AHNAK: variants seen among roughly 807,000 people sequenced by gnomAD.
The protein encoded by AHNAK is AHNAK nucleoprotein, also known as neuroblast differentiation-associated protein AHNAK.
AHNAK carries 23 observed loss-of-function variants against 37.8 expected under a neutral mutation model. That is an observed-to-expected ratio of 0.61 (90% confidence interval 0.44 to 0.86). The LOEUF (loss-of-function observed/expected upper bound fraction) is 0.86, where lower values mean the gene tolerates loss of function less well. Ranked by LOEUF, AHNAK falls within the 40% of genes least tolerant of loss-of-function variation. The pLI is 0.00. For missense variants in AHNAK, 7,411 were observed against 7,319.4 expected (o/e 1.01, Z -0.46); for synonymous variants, 2,481 against 2,636.3 (o/e 0.94, Z 1.80).
At chr11:62,486,140 T>C (rs1939388787) in intron 5 of AHNAK, among the ~76,000 whole-genome samples, 1 of 152,006 alleles carries the variant, frequency 6.6e-6, no homozygotes, top group African/African-American at 2.4e-5. Flanking sequence ...ACTGTGTCAT[T>C]CCACTTATAT....
chr11:62,504,459 C>G (rs1156314102), intron 4 of AHNAK, among the ~76,000 whole-genome samples: 1 of 152,106 alleles, frequency 6.6e-6, no homozygotes, highest in African/African-American at 2.4e-5. Flanking sequence ...CATCTGACTT[C>G]CCTATCTGGC....
rs199540757 is a variant in AHNAK, at chr11:62,433,834, A to G, written c.*50T>C. ...CATTTTTAGAACAATGCTCCAAAGA[A>G]CGGTCACAAAAACAACCTTAAGAGG... On this transcript the variant is annotated 3_prime_UTR_variant, in exon 6 of 6. Transcript: ENST00000257247. 3.3e-5 allele frequency: 54 copies of G among 1,612,668 alleles called. No individual in the cohort carries two copies. In the East Asian group the frequency reaches 1.0e-3, roughly 31 times the overall value.
In AHNAK at chr11:62,516,514, C is replaced by T; in HGVS notation, c.*230G>A. The T allele has an allele frequency of 7.2e-7, 1 of 1,396,824 alleles. No individual in the cohort carries two copies. Among genetic ancestry groups the T allele is most frequent in the Non-Finnish European group, 9.3e-7 (1 of 1,079,780 alleles). The allele number at this position is 1,396,824 out of a possible 1,614,324, so 86.5% of individuals were successfully genotyped here. ...TATATATGAAATCTTAAGGCAAATA[C>T]TGTTGACTTTGCACATGGGCTGGAC... On this transcript the variant is annotated 3_prime_UTR_variant, in exon 5 of 5. Coordinates refer to ENST00000378024, the MANE Select transcript of AHNAK (RefSeq NM_001620.3).
At chr11:62,452,623 T>C (rs1477418456) in intron 5 of AHNAK, among the ~76,000 whole-genome samples, 1 of 152,198 alleles carries the variant, frequency 6.6e-6, no homozygotes, top group Non-Finnish European at 1.5e-5. Flanking sequence ...AGTCTTCTCA[T>C]GCTTAGGGAT....
intron 5 of AHNAK, among the ~76,000 whole-genome samples, chr11:62,489,124 C>T (rs909988635): frequency 6.6e-6 from 1 of 151,788 alleles, no homozygotes; most frequent in Non-Finnish European, 1.5e-5. Flanking sequence ...GCCTGTAATC[C>T]CAATTACTCA....
chr11:62,531,571 G>C lies in AHNAK; in HGVS notation c.2846C>G (p.Pro949Arg). The C allele has an allele frequency of 5.0e-6, 8 of 1,614,150 alleles. No homozygotes were observed. The highest frequency in any genetic ancestry group is 6.8e-6 in the Non-Finnish European group (8 of 1,180,030). ...MNIKAPKISM[P>R]DVDLHMKGPK... is the part of the protein sequence containing the mutation. ...ACCTTTCATATGCAAGTCCACATCA[G>C]GCATGGAGATCTTGGGGGCCTTGAT... The change falls in exon 5 of 5, where the codon CCT (proline) becomes CGT (arginine). Residue 949 changes from proline to arginine, a missense_variant. Physicochemically the swap from Pro to Arg is moderately radical, Grantham distance 103. Coordinates refer to ENST00000378024, the MANE Select transcript of AHNAK (RefSeq NM_001620.3).
chr11:62,508,681 C>A (rs1470330722), intron 4 of AHNAK, among the ~76,000 whole-genome samples: 1 of 152,256 alleles, frequency 6.6e-6, no homozygotes, highest in Non-Finnish European at 1.5e-5. Flanking sequence ...TGCTGGGCGC[C>A]TTCAGCCTTA....
chr11:62,454,106 C>CA (rs71458414), intron 5 of AHNAK, among the ~76,000 whole-genome samples: 51,379 of 130,460 alleles, frequency 0.39, 9,603 homozygotes, highest in Non-Finnish European at 0.45. Context: ...ATCTCTGTCT[C>CA]AAAAAAAAAA....
rs1940249769 is a variant in AHNAK at position 62,521,685 on chromosome 11, T to C, written c.12732A>G (p.Lys4244=). 2 of 1,613,200 alleles carry C rather than the reference T, an allele frequency of 1.2e-6. No homozygotes were observed. The highest frequency in any genetic ancestry group is 1.3e-5 in the African/African-American group (1 of 74,632). ...EGPDAKLKGP[K]FKMPEMNIKA... Reference sequence around the variant, plus strand: ...TGATGTTCATCTCAGGCATCTTGAATTTAGGGCCCTTTAGTTTCGCATCTG... The same window carrying C: ...TGATGTTCATCTCAGGCATCTTGAACTTAGGGCCCTTTAGTTTCGCATCTG... The change falls in exon 5 of 5, where the codon AAA becomes AAG. Residue 4244 remains lysine, a synonymous_variant. Transcript: ENST00000378024.
chr11:62,545,284 G>T lies in AHNAK; in HGVS notation c.-100+1376C>A, dbSNP rs931033468. ...CTCAGTGGCCTCATTGTGCAGAGGG[G>T]CCAGAGCCGTTCCCCACCTTGTTGT... On this transcript the variant is annotated intron_variant, in intron 1 of 4. Coordinates refer to ENST00000378024, the MANE Select transcript of AHNAK (RefSeq NM_001620.3). Among the ~76,000 whole-genome samples the T allele has an allele frequency of 5.9e-5, 9 of 152,248 alleles. No homozygotes were observed. The East Asian group carries it at 9.6e-4, about 16-fold the overall frequency.
At chr11:62,509,628 G>GA (rs544843910) in intron 4 of AHNAK, among the ~76,000 whole-genome samples, 1 of 151,622 alleles carries the variant, frequency 6.6e-6, no homozygotes, top group South Asian at 2.1e-4. Flanking sequence ...CCCCAAAGAG[G>GA]AAAAAAAGAC....
chr11:62,443,590 A>C (rs1565195723), intron 5 of AHNAK, among the ~76,000 whole-genome samples: 1 of 152,080 alleles, frequency 6.6e-6, no homozygotes, highest in Non-Finnish European at 1.5e-5. Context: ...CTCATCTTGA[A>C]GACAGCTAAC....
intron 4 of AHNAK, among the ~76,000 whole-genome samples, chr11:62,499,914 CA>C: frequency 6.6e-6 from 1 of 152,360 alleles, no homozygotes; most frequent in South Asian, 2.1e-4. Flanking sequence ...AAGGCTCAGC[CA>C]AGCTTTTCTG....
rs370124930 is a variant in AHNAK, at chr11:62,525,157, T to C, written c.9260A>G (p.Lys3087Arg). Residue 3087 changes from lysine (K) to arginine (R), a missense_variant, in exon 5 of 5, where the codon AAA becomes AGA. Physicochemically the swap from Lys to Arg is conservative, Grantham distance 26. Coordinates refer to ENST00000378024, the MANE Select transcript of AHNAK (RefSeq NM_001620.3). The part of the protein sequence containing the change: ...PKFKMPEMNI[K>R]APKISMPDID... The stretch of plus-strand genomic sequence containing the variant: ...GTCAGGCATGGAGATCTTGGGGGCT[T>C]TGATGTTCATCTCAGGCATTTTGAA... 6.2e-7 allele frequency: 1 copy of C among 1,613,838 alleles called. No homozygotes were observed. The highest frequency in any genetic ancestry group is 1.3e-5 in the African/African-American group (1 of 74,828).
Position 62,521,851 on chromosome 11 carries a change from G to C in AHNAK, c.12566C>G (p.Pro4189Arg). 6.2e-7 allele frequency: 1 copy of C among 1,612,424 alleles called. No homozygotes were observed. The highest frequency in any genetic ancestry group is 1.3e-5 in the African/African-American group (1 of 74,362). ...VQGPDWHLKM[P>R]KVKMPKFSMP... ...GCTGAACTTGGGCATTTTCACTTTGGGCATTTTTAAGTGCCAGTCTGGGCC... is the reference window on the plus strand; with the variant it reads ...GCTGAACTTGGGCATTTTCACTTTGCGCATTTTTAAGTGCCAGTCTGGGCC... The change falls in exon 5 of 5, where the codon CCC (proline) becomes CGC (arginine). Residue 4189 changes from proline (P) to arginine (R), a missense_variant. Coordinates refer to ENST00000378024, the MANE Select transcript of AHNAK (RefSeq NM_001620.3).
At chr11:62,441,271 G>A (rs1938300009) in intron 5 of AHNAK, among the ~76,000 whole-genome samples, 1 of 151,488 alleles carries the variant, frequency 6.6e-6, no homozygotes, top group African/African-American at 2.4e-5. Context: ...CAAAGTGCTG[G>A]GATTACAGGT....
At chr11:62,471,991 G>C (rs1215285022) in intron 5 of AHNAK, among the ~76,000 whole-genome samples, 5 of 152,126 alleles carry the variant, frequency 3.3e-5, no homozygotes, top group Non-Finnish European at 7.4e-5. Context: ...ACTCGCCCCA[G>C]GGTCTGGGTC....
intron 5 of AHNAK, among the ~76,000 whole-genome samples, chr11:62,459,166 T>C (rs1178731341): frequency 6.6e-6 from 1 of 152,204 alleles, no homozygotes; most frequent in Non-Finnish European, 1.5e-5. Flanking sequence ...AAAGCACTCA[T>C]ACTTGGTAGT....
intron 5 of AHNAK, among the ~76,000 whole-genome samples, chr11:62,448,590 T>G (rs1036288531): frequency 1.7e-4 from 26 of 152,188 alleles, no homozygotes; most frequent in African/African-American, 5.5e-4. Flanking sequence ...TACTATTTGT[T>G]GAGATGGAGA....
Sources: allele counts gnomAD v4.1 joint callset (sites outside exome capture counted in the v4.1 genomes callset), GRCh38; gene constraint gnomAD v4.1.1; transcripts MANE v1.5; gene names NCBI Gene and HGNC (gene_info 2026-07-23, HGNC 2026-07-21).